The following BRINP3 variants were observed in gnomAD, a reference collection of about 807,000 sequenced individuals.
BRINP3 encodes BMP/retinoic acid inducible neural specific 3.
In BRINP3, 19 loss-of-function variants were observed where a neutral mutation model predicts 71.0. That is an observed-to-expected ratio of 0.27 (90% CI 0.19 to 0.39). BRINP3 has a LOEUF of 0.39. BRINP3 is among the 10% of genes least tolerant of loss of function. The pLI, the probability that BRINP3 is intolerant of heterozygous loss-of-function variation, is 1.00. For synonymous variants in BRINP3, 380 were observed against 337.7 expected (o/e 1.13, Z -1.37); for missense variants, 959 against 940.8 (o/e 1.02, Z -0.25).
At chr1:190,233,243 A>G (rs1294083431) in intron 5 of BRINP3, among the ~76,000 whole-genome samples, 4 of 152,076 alleles carry the variant, frequency 2.6e-5, no homozygotes, top group Non-Finnish European at 5.9e-5. Flanking sequence ...GTGACAGTGG[A>G]GTGCGGTGGT....
chr1:190,217,307 C>T lies in BRINP3; in HGVS notation c.961+8775G>A, dbSNP rs1486078768. Among the ~76,000 whole-genome samples, 5 of 151,960 alleles carry T rather than the reference C, an allele frequency of 3.3e-5. No homozygotes were observed. In the South Asian group the frequency reaches 1.0e-3, roughly 32 times the overall value. On this transcript the variant is annotated intron_variant, in intron 6 of 7. Coordinates refer to ENST00000367462, the MANE Select transcript of BRINP3 (RefSeq NM_199051.3). ...TAGAATTATTTTCCCAATGTAATAG[C>T]TGCCTCATTACTTCTTATATTTTGT...
chr1:190,408,178 C>A (rs1485081362), intron 2 of BRINP3, among the ~76,000 whole-genome samples: 2 of 141,832 alleles, frequency 1.4e-5, no homozygotes, highest in East Asian at 2.0e-4. Context: ...CCCGCCACCA[C>A]GCCTGGCTAA....
chr1:190,263,587 CTTTT>C (rs34792964), intron 4 of BRINP3, among the ~76,000 whole-genome samples: 3 of 129,440 alleles, frequency 2.3e-5, no homozygotes. Flanking sequence ...GAAGTAGTAA[CTTTT>C]TTTTTTTTTT....
At chr1:190,182,897 CT>C (rs1275437728) in intron 6 of BRINP3, among the ~76,000 whole-genome samples, 1 of 152,050 alleles carries the variant, frequency 6.6e-6, no homozygotes. Context: ...CTTTGGCTGA[CT>C]TTAAAATGTA....
intron 6 of BRINP3, among the ~76,000 whole-genome samples, chr1:190,175,899 C>T (rs916022345): frequency 1.3e-5 from 2 of 152,104 alleles, no homozygotes; most frequent in African/African-American, 2.4e-5. Flanking sequence ...TTGAGCTCTG[C>T]AGGATCTTGA....
chr1:190,401,376 C>CAAAAAAAAAAAAAAAAAAAAAAAAAAA (rs762938571), intron 2 of BRINP3, among the ~76,000 whole-genome samples: 1 of 89,372 alleles, frequency 1.1e-5, no homozygotes, highest in Non-Finnish European at 2.0e-5. Context: ...CATCTCAAAA[C>CAAAAAAAAAAAAAAAAAAAAAAAAAAA]AAAAAAAAAA....
At chr1:190,386,395 A>G (rs1670909858) in intron 2 of BRINP3, among the ~76,000 whole-genome samples, 1 of 151,706 alleles carries the variant, frequency 6.6e-6, no homozygotes, top group African/African-American at 2.4e-5. Context: ...ATAAGGGAAT[A>G]AAGGAAATAA....
At chr1:190,373,505 C>T (rs1009340732) in intron 2 of BRINP3, among the ~76,000 whole-genome samples, 1 of 150,046 alleles carries the variant, frequency 6.7e-6, no homozygotes, top group Admixed American at 6.8e-5. Flanking sequence ...TATATATATA[C>T]ACACACACAT....
chr1:190,132,320 T>A (rs1654610103), intron 7 of BRINP3, among the ~76,000 whole-genome samples: 1 of 152,088 alleles, frequency 6.6e-6, no homozygotes, highest in Non-Finnish European at 1.5e-5. Flanking sequence ...TGGGTTGATT[T>A]CACTTATGTT....
chr1:190,387,873 C>T (rs1162297413), intron 2 of BRINP3, among the ~76,000 whole-genome samples: 61 of 151,826 alleles, frequency 4.0e-4, no homozygotes, highest in Non-Finnish European at 2.9e-5. Context: ...TCTTGAATAT[C>T]TAACCAATTT....
intron 2 of BRINP3, chr1:190,342,402 A>T (rs1266620275): frequency 1.3e-5 from 2 of 148,994 alleles, no homozygotes; most frequent in Non-Finnish European, 3.0e-5. Context: ...ATGATGGGTT[A>T]TAAAGATTCT....
At chr1:190,175,581 G>A (rs1388804345) in intron 6 of BRINP3, among the ~76,000 whole-genome samples, 1 of 151,976 alleles carries the variant, frequency 6.6e-6, no homozygotes, top group Non-Finnish European at 1.5e-5. Flanking sequence ...CTCTGTACAA[G>A]CATAAACAGT....
chr1:190,465,295 T>C (rs1676665715), intron 1 of BRINP3, among the ~76,000 whole-genome samples: 1 of 151,914 alleles, frequency 6.6e-6, no homozygotes, highest in Non-Finnish European at 1.5e-5. Flanking sequence ...GTATATTAGA[T>C]TGGAAAATCT....
At chr1:190,367,416 C>G (rs1399711619) in intron 2 of BRINP3, among the ~76,000 whole-genome samples, 1 of 152,176 alleles carries the variant, frequency 6.6e-6, no homozygotes, top group Non-Finnish European at 1.5e-5. Flanking sequence ...GCCCACAAAA[C>G]CATTTTTCCC....
intron 6 of BRINP3, among the ~76,000 whole-genome samples, chr1:190,172,284 T>C (rs1652085109): frequency 6.6e-6 from 1 of 151,458 alleles, no homozygotes; most frequent in African/African-American, 2.4e-5. Flanking sequence ...ATTTAAATAT[T>C]GGCTTTTATG....
intron 6 of BRINP3, among the ~76,000 whole-genome samples, chr1:190,198,942 C>A (rs911928060): frequency 6.6e-6 from 1 of 151,256 alleles, no homozygotes; most frequent in South Asian, 2.1e-4. Context: ...TACTCTGTTA[C>A]CACACTGCTA....
intron 2 of BRINP3, chr1:190,302,779 G>T (rs1206323049): frequency 1.3e-5 from 2 of 151,882 alleles, no homozygotes; most frequent in East Asian, 1.9e-4. Context: ...TCTACATTAA[G>T]AATAACTTTC....
At chr1:190,373,111 GT>G (rs1228766815) in intron 2 of BRINP3, among the ~76,000 whole-genome samples, 1 of 151,986 alleles carries the variant, frequency 6.6e-6, no homozygotes, top group East Asian at 1.9e-4. Context: ...ATAATTATTG[GT>G]CTAAAAAACA....
chr1:190,251,750 G>GT (rs911439140), intron 4 of BRINP3, among the ~76,000 whole-genome samples: 2 of 150,872 alleles, frequency 1.3e-5, no homozygotes, highest in African/African-American at 4.9e-5. Context: ...ATGCAAAGAT[G>GT]TTTTTTGCAT....
Sources: gnomAD v4.1 joint callset for allele counts (sites outside exome capture counted in the v4.1 genomes callset) on GRCh38, gnomAD v4.1.1 for gene constraint, MANE v1.5 for transcripts, NCBI Gene and HGNC (gene_info 2026-07-23, HGNC 2026-07-21) for gene names.